BNC2: variants seen among roughly 807,000 people sequenced by gnomAD.
The protein encoded by BNC2 is zinc finger protein basonuclin-2.
BNC2 carries 20 observed loss-of-function variants against 76.3 expected under a neutral mutation model. The observed-to-expected ratio is 0.26, with a 90% CI of 0.18 to 0.38. The LOEUF is 0.38. BNC2 is among the 10% of genes least tolerant of loss of function. The probability of loss-of-function intolerance (pLI) is 1.00; values close to 1 mark genes in which losing one functional copy is unlikely to be tolerated. For synonymous variants in BNC2, 582 were observed against 514.8 expected, an observed-to-expected ratio of 1.13 and a Z score of -1.77; for missense variants, 1,382 against 1,399.8, an observed-to-expected ratio of 0.99 and a Z score of 0.20.
intron 1 of BNC2, among the ~76,000 whole-genome samples, chr9:16,821,273 T>C (rs928639856): frequency 4.0e-5 from 6 of 150,018 alleles, no homozygotes; most frequent in African/African-American, 4.9e-5. Context: ...AAGGAGGAAA[T>C]AGAATGATAA....
chr9:16,853,993 G>T (rs115299985), intron 1 of BNC2, among the ~76,000 whole-genome samples: 1,577 of 152,308 alleles, frequency 0.01, 24 homozygotes, highest in African/African-American at 0.036. Context: ...ACTTATGGAT[G>T]TAAGTTCATA....
At chr9:16,717,949 C>G (rs1824037583) in intron 3 of BNC2, among the ~76,000 whole-genome samples, 1 of 152,122 alleles carries the variant, frequency 6.6e-6, no homozygotes, top group Non-Finnish European at 1.5e-5. Context: ...GTTAAAACAA[C>G]CAACTTCTCA....
At chr9:16,440,545 T>A (rs1371494276) in intron 5 of BNC2, among the ~76,000 whole-genome samples, 1 of 152,172 alleles carries the variant, frequency 6.6e-6, no homozygotes, top group South Asian at 2.1e-4. Flanking sequence ...TAAATCTACA[T>A]GTCAGTGATA....
chr9:16,561,212 T>C (rs1440148605), intron 4 of BNC2, among the ~76,000 whole-genome samples: 3 of 149,974 alleles, frequency 2.0e-5, no homozygotes, highest in Admixed American at 6.7e-5. Flanking sequence ...GCACTCCGCC[T>C]GGGCAACAAG....
intron 4 of BNC2, among the ~76,000 whole-genome samples, chr9:16,574,077 C>G (rs538563828): frequency 1.4e-4 from 21 of 151,936 alleles, no homozygotes; most frequent in African/African-American, 4.6e-4. Flanking sequence ...ATATGGGGTC[C>G]TTACGACCCA....
intron 5 of BNC2, among the ~76,000 whole-genome samples, chr9:16,509,620 C>G (rs1822708053): frequency 1.3e-5 from 2 of 152,152 alleles, no homozygotes; most frequent in African/African-American, 4.8e-5. Context: ...AGTTACTAAC[C>G]TGGGTAAAAG....
chr9:16,492,649 T>G (rs768789957), intron 5 of BNC2, among the ~76,000 whole-genome samples: 4 of 152,162 alleles, frequency 2.6e-5, no homozygotes, highest in Non-Finnish European at 5.9e-5. Flanking sequence ...ATTTCTTGTC[T>G]TTTAGGAATA....
intron 5 of BNC2, among the ~76,000 whole-genome samples, chr9:16,514,552 C>T (rs1306605606): frequency 6.6e-6 from 1 of 152,126 alleles, no homozygotes. Flanking sequence ...AAAAGCAGCT[C>T]TGTACTAGCA....
intron 5 of BNC2, among the ~76,000 whole-genome samples, chr9:16,521,560 G>C (rs1436407016): frequency 2.0e-5 from 3 of 152,206 alleles, no homozygotes; most frequent in African/African-American, 7.2e-5. Context: ...AGTATGAAAA[G>C]AGTAATGTAC....
intron 5 of BNC2, among the ~76,000 whole-genome samples, chr9:16,440,775 C>G (rs1216743995): frequency 6.6e-6 from 1 of 152,188 alleles, no homozygotes; most frequent in African/African-American, 2.4e-5. Flanking sequence ...GTTGCTGTCT[C>G]TGCTAAAATG....
Position 16,436,931 on chromosome 9 carries a change from T to C in BNC2, c.1263A>G (p.Lys421=), listed in dbSNP as rs748266423. The C allele has an allele frequency of 3.7e-6, 6 of 1,613,946 alleles. No individual in the cohort carries two copies. The East Asian group carries it at 1.1e-4, about 30-fold the overall frequency. The change falls in exon 6 of 7, where the codon AAA becomes AAG. Residue 421 remains lysine, a synonymous_variant. Transcript: ENST00000380672. ...TCATCCGATGAATCCGGAATGAGCT[T>C]TTTGGGTGTTCAGTTTTGGTTAGAT... The part of the protein sequence containing the change: ...VSDLTKTEHP[K]SSFRIHRMRR...
At chr9:16,434,451 C>T (rs996055659) in intron 6 of BNC2, among the ~76,000 whole-genome samples, 1 of 152,062 alleles carries the variant, frequency 6.6e-6, no homozygotes, top group African/African-American at 2.4e-5. Flanking sequence ...TGATTTCCAC[C>T]ATGTTATAAA....
chr9:16,756,170 C>T (rs1217347849), intron 1 of BNC2, among the ~76,000 whole-genome samples: 3 of 152,166 alleles, frequency 2.0e-5, no homozygotes, highest in African/African-American at 7.2e-5. Context: ...ATTTTGTCCC[C>T]AACTTCATAG....
At chr9:16,528,047 T>C (rs1048970991) in intron 5 of BNC2, among the ~76,000 whole-genome samples, 21 of 152,178 alleles carry the variant, frequency 1.4e-4, no homozygotes, top group Admixed American at 1.2e-3. Flanking sequence ...TCTTGTATTA[T>C]CAACAGTAAA....
intron 1 of BNC2, among the ~76,000 whole-genome samples, chr9:16,814,779 G>C (rs1263358515): frequency 7.2e-5 from 11 of 152,150 alleles, no homozygotes; most frequent in Non-Finnish European, 1.6e-4. Context: ...ATCTAGGGGG[G>C]CTCCTATACA....
chr9:16,821,987 G>A (rs566805422), intron 1 of BNC2, among the ~76,000 whole-genome samples: 2 of 151,878 alleles, frequency 1.3e-5, no homozygotes, highest in East Asian at 3.9e-4. Context: ...CAGCTACTCG[G>A]GAGGCTGAAG....
intron 4 of BNC2, among the ~76,000 whole-genome samples, chr9:16,577,369 CA>C (rs555205738): frequency 3.4e-5 from 5 of 148,480 alleles, no homozygotes; most frequent in East Asian, 2.0e-4. Flanking sequence ...CCAGTGAATA[CA>C]AAAAAAAAGG....
intron 3 of BNC2, among the ~76,000 whole-genome samples, chr9:16,596,358 C>G (rs572429880): frequency 1.2e-4 from 19 of 152,138 alleles, no homozygotes; most frequent in Admixed American, 3.3e-4. Context: ...CGTGAATGTA[C>G]AAATACAAAC....
chr9:16,831,089 G>C (rs988723719), intron 1 of BNC2, among the ~76,000 whole-genome samples: 10 of 152,172 alleles, frequency 6.6e-5, no homozygotes, highest in African/African-American at 2.4e-4. Context: ...AAAACAATCA[G>C]TGTCAAGGTC....
Sources: gnomAD v4.1 joint callset for allele counts (sites outside exome capture counted in the v4.1 genomes callset) on GRCh38, gnomAD v4.1.1 for gene constraint, MANE v1.5 for transcripts, NCBI Gene and HGNC (gene_info 2026-07-23, HGNC 2026-07-21) for gene names.